Variants in IMPG2 observed in about 807,000 individuals in gnomAD.
IMPG2 encodes the protein IPM 200.
In IMPG2, 91 loss-of-function variants were observed where a neutral mutation model predicts 129.2. The observed-to-expected ratio is 0.70, with a 90% CI of 0.59 to 0.84. The LOEUF (loss-of-function observed/expected upper bound fraction) is 0.84, where lower values mean the gene tolerates loss of function less well. Among genes scored for constraint, IMPG2 ranks in the 40% least tolerant of loss-of-function variants. The pLI is 0.00. For synonymous variants in IMPG2, 510 were observed against 517.7 expected, an observed-to-expected ratio of 0.99 and a Z score of 0.20; for missense variants, 1,430 against 1,461.7, an observed-to-expected ratio of 0.98 and a Z score of 0.35.
chr3:101,229,320 G>GGGCCCCCCCCCACC, intron 17 of IMPG2, 60 bp downstream of exon 17: 1 of 519,344 alleles, frequency 1.9e-6, no homozygotes, highest in East Asian at 5.2e-5. Context: ...ACCACCCCCT[G>GGGCCCCCCCCCACC]CTCCCCCACA....
Position 101,283,179 on chromosome 3 carries a change from T to G in IMPG2, c.534-6466A>C, listed in dbSNP as rs543913807. Among the ~76,000 whole-genome samples the G allele has an allele frequency of 2.8e-4, 43 of 152,160 alleles. 1 individual carries two copies. In the South Asian group the frequency reaches 8.3e-3, roughly 29 times the overall value. On this transcript the variant is annotated intron_variant, in intron 4 of 18. Transcript: ENST00000193391. ...TCAGGATTACAGGTGCACGCCACCA[T>G]GCCTGGCTAATTTTTTTTGTATTTT...
chr3:101,318,872 TA>T (rs905789880), intron 2 of IMPG2, among the ~76,000 whole-genome samples: 12 of 152,150 alleles, frequency 7.9e-5, no homozygotes, highest in African/African-American at 2.9e-4. Flanking sequence ...TTGACTTACA[TA>T]AAAAGTATGA....
intron 4 of IMPG2, among the ~76,000 whole-genome samples, chr3:101,277,899 T>G (rs564552528): frequency 1.5e-4 from 23 of 152,328 alleles, no homozygotes; most frequent in African/African-American, 5.5e-4. Flanking sequence ...CCAAAGATAT[T>G]GGATCAGTGG....
At chr3:101,255,979 G>A (rs1706594464) in intron 10 of IMPG2, among the ~76,000 whole-genome samples, 1 of 150,414 alleles carries the variant, frequency 6.6e-6, no homozygotes. Flanking sequence ...TCTCAGCAGA[G>A]TGTCACATTA....
intron 14 of IMPG2, among the ~76,000 whole-genome samples, chr3:101,239,151 C>G (rs1202516624): frequency 6.6e-6 from 1 of 152,130 alleles, no homozygotes; most frequent in Non-Finnish European, 1.5e-5. Flanking sequence ...AACAGGCAAC[C>G]TACAGAATGA....
intron 2 of IMPG2, among the ~76,000 whole-genome samples, chr3:101,313,415 T>C (rs1559661116): frequency 6.6e-6 from 1 of 152,126 alleles, no homozygotes; most frequent in East Asian, 1.9e-4. Flanking sequence ...AACTAAACAG[T>C]TCAGAATTCC....
At chr3:101,286,075 T>A (rs1706942917) in intron 4 of IMPG2, among the ~76,000 whole-genome samples, 1 of 152,022 alleles carries the variant, frequency 6.6e-6, no homozygotes, top group Non-Finnish European at 1.5e-5. Flanking sequence ...TCCCTTAAAT[T>A]CTCTACGCCA....
chr3:101,272,333 G>T (rs1706794777), intron 7 of IMPG2, among the ~76,000 whole-genome samples: 2 of 152,082 alleles, frequency 1.3e-5, no homozygotes, highest in South Asian at 4.1e-4. Flanking sequence ...AGTGACTGTT[G>T]GTAGACATTT....
At chr3:101,267,601 T>C (rs1339874332) in intron 8 of IMPG2, 70 bp from the exon 9 acceptor site, 1 of 1,258,510 alleles carries the variant, frequency 7.9e-7, no homozygotes, top group Non-Finnish European at 1.2e-6. Context: ...TTCATCAAAG[T>C]GCAAGTTATT....
At chr3:101,235,750 T>G (rs1489631713) in intron 14 of IMPG2, among the ~76,000 whole-genome samples, 1 of 152,188 alleles carries the variant, frequency 6.6e-6, no homozygotes, top group Non-Finnish European at 1.5e-5. Context: ...GAGGTAAATT[T>G]AGGATGGGAG....
At chr3:101,317,388 TACA>T (rs1345948932) in intron 2 of IMPG2, among the ~76,000 whole-genome samples, 2 of 152,144 alleles carry the variant, frequency 1.3e-5, no homozygotes, top group Non-Finnish European at 1.5e-5. Context: ...TCAAATTTGT[TACA>T]ACAACTAGCA....
In IMPG2 at chr3:101,304,116, A is replaced by C. The variant is rs1707164705; in HGVS notation, c.501+30T>G. 12 of 1,611,732 alleles carry C rather than the reference A, an allele frequency of 7.4e-6. 1 individual carries two copies. The East Asian group carries it at 2.7e-4, about 36-fold the overall frequency. On this transcript the variant is annotated intron_variant, in intron 3 of 18. Transcript: ENST00000193391. The stretch of plus-strand genomic sequence containing the variant: ...TGTGTAAATGCTCCTACAATAGTCC[A>C]GGAATCCCTTCCTTTGTTGTGACAC...
chr3:101,308,389 A>T (rs2107140467), intron 2 of IMPG2, among the ~76,000 whole-genome samples: 1 of 152,336 alleles, frequency 6.6e-6, no homozygotes, highest in Admixed American at 6.5e-5. Context: ...ATTTCACTAC[A>T]TCCTCTGAAA....
Position 101,244,187 on chromosome 3 carries a change from T to C in IMPG2, c.2144A>G (p.Tyr715Cys). The change falls in exon 13 of 19, where the codon TAC (tyrosine) becomes TGC (cysteine). Residue 715 changes from tyrosine (Y) to cysteine (C), a missense_variant. By Grantham distance (194) the Tyr-to-Cys change is radical. Coordinates refer to ENST00000193391, the MANE Select transcript of IMPG2 (RefSeq NM_016247.4). Reference sequence around the variant, plus strand: ...TATAAGAGGTGCTTTGGTAACTGAGTAATCATCAACACCAGGTACTTCTGA... The same window carrying C: ...TATAAGAGGTGCTTTGGTAACTGAGCAATCATCAACACCAGGTACTTCTGA... ...HISEVPGVDD[Y>C]SVTKAPLILT... The C allele has an allele frequency of 1.9e-6, 3 of 1,614,028 alleles. No homozygotes were observed. The highest frequency in any genetic ancestry group is 1.7e-6 in the Non-Finnish European group (2 of 1,179,994).
At chr3:101,301,171 G>A (rs1409919088) in intron 3 of IMPG2, among the ~76,000 whole-genome samples, 4 of 152,042 alleles carry the variant, frequency 2.6e-5, no homozygotes, top group African/African-American at 9.7e-5. Flanking sequence ...TATTGTTCAT[G>A]GCACTCCACA....
chr3:101,254,751 C>T lies in IMPG2; in HGVS notation c.1154-970G>A, dbSNP rs569716753. Among the ~76,000 whole-genome samples the T allele has an allele frequency of 1.4e-4, 22 of 152,162 alleles. No homozygotes were observed. The South Asian group carries it at 2.7e-3, about 19-fold the overall frequency. ...AGTGATGTGGTTTGGCTCTATGTCTCCACCCAAATCTCATGTTGAATTGCG... is the reference window on the plus strand; with the variant it reads ...AGTGATGTGGTTTGGCTCTATGTCTTCACCCAAATCTCATGTTGAATTGCG... On this transcript the variant is annotated intron_variant, in intron 10 of 18. Transcript: ENST00000193391.
At position 101,230,981 on chromosome 3, in the gene IMPG2, C is replaced by T; in HGVS notation, c.3398G>A (p.Arg1133Lys). 2 of 1,613,598 alleles carry T rather than the reference C, an allele frequency of 1.2e-6. No individual in the cohort carries two copies. The highest frequency in any genetic ancestry group is 2.2e-5 in the South Asian group (2 of 91,078). Residue 1133 changes from arginine to lysine, a missense_variant, in exon 16 of 19, where the codon AGG (arginine) becomes AAG (lysine). Arg to Lys is a conservative substitution (Grantham distance 26). Transcript: ENST00000193391. ...CCTGAAGGGACTCTCTCTTTCACTC[C>T]TGTCATGGTGTGCTTGGAGAGTCCT... ...FIRTLQAHHD[R>K]SERESPFSGS...
chr3:101,320,260 A>G, intron 1 of IMPG2, 28 bp downstream of exon 1: 1 of 1,283,558 alleles, frequency 7.8e-7, no homozygotes, highest in Non-Finnish European at 1.1e-6. Context: ...ATATGGAAAG[A>G]TAAAAACAAA....
chr3:101,243,442 T>C (rs775695939), intron 13 of IMPG2, 87 bp downstream of exon 13: 3 of 1,184,644 alleles, frequency 2.5e-6, no homozygotes, highest in Admixed American at 1.8e-5. Flanking sequence ...ACACTTTCCC[T>C]GGCTCAGACC....
Sources: allele counts gnomAD v4.1 joint callset (sites outside exome capture counted in the v4.1 genomes callset), GRCh38; gene constraint gnomAD v4.1.1; transcripts MANE v1.5; gene names NCBI Gene and HGNC (gene_info 2026-07-23, HGNC 2026-07-21).